The following TTYH3 variants were observed in gnomAD, a reference collection of about 807,000 sequenced individuals.
TTYH3 encodes the protein protein tweety homolog 3.
Under a neutral mutation model 68.2 loss-of-function variants are expected in TTYH3, and 23 were observed. That is an observed-to-expected ratio of 0.34 (90% CI 0.24 to 0.48). TTYH3 has a LOEUF of 0.48. TTYH3 is among the 20% of genes least tolerant of loss of function. The probability of loss-of-function intolerance (pLI) is 0.99; values close to 1 mark genes in which losing one functional copy is unlikely to be tolerated. For synonymous variants in TTYH3, 360 were observed against 332.8 expected (o/e 1.08, Z -0.89); for missense variants, 768 against 727.7 (o/e 1.06, Z -0.64).
intron 7 of TTYH3, among the ~76,000 whole-genome samples, chr7:2,651,575 C>T (rs900491320): frequency 2.6e-5 from 4 of 152,326 alleles, no homozygotes; most frequent in East Asian, 3.9e-4. Context: ...GCCCCCTACA[C>T]GTGTACATGT....
At chr7:2,647,754 G>A (rs1786040264) in intron 4 of TTYH3, 116 bp downstream of exon 4, 2 of 1,193,734 alleles carry the variant, frequency 1.7e-6, no homozygotes, top group South Asian at 1.4e-5. Flanking sequence ...TGTGGCCCAG[G>A]GCCACTGGAG....
At position 2,634,974 on chromosome 7, in the gene TTYH3, G is replaced by A. The variant is rs904724064; in HGVS notation, c.123+2696G>A. Among the ~76,000 whole-genome samples the A allele has an allele frequency of 6.6e-5, 10 of 152,218 alleles. No homozygotes were observed. In the South Asian group the frequency reaches 2.1e-3, roughly 32 times the overall value. ...GTGGGATTAGAAGCTGATGGGGGCT[G>A]AGGGAGCTGTGAGAGGGCAGGGGGT... On this transcript the variant is annotated intron_variant, in intron 1 of 13. Transcript: ENST00000258796.
At chr7:2,638,900 C>T (rs2114974424) in intron 1 of TTYH3, among the ~76,000 whole-genome samples, 1 of 152,158 alleles carries the variant, frequency 6.6e-6, no homozygotes, top group East Asian at 1.9e-4. Context: ...ACCCACTTCC[C>T]AGTGGCGGGC....
intron 1 of TTYH3, among the ~76,000 whole-genome samples, chr7:2,641,661 A>G (rs1259926463): frequency 6.6e-6 from 1 of 152,178 alleles, no homozygotes; most frequent in Admixed American, 6.5e-5. Flanking sequence ...TGGGCCAGGG[A>G]GGGGCGGAGG....
intron 1 of TTYH3, among the ~76,000 whole-genome samples, chr7:2,635,050 G>A (rs750566040): frequency 1.5e-4 from 23 of 152,272 alleles, no homozygotes; most frequent in Non-Finnish European, 2.8e-4. Flanking sequence ...AGTGACTGTC[G>A]AGAGGGGCTC....
Position 2,652,919 on chromosome 7 carries a change from A to G in TTYH3, c.929A>G (p.Lys310Arg). The G allele has an allele frequency of 6.4e-7, 1 of 1,562,206 alleles. No individual in the cohort carries two copies. Among genetic ancestry groups the G allele is most frequent in the African/African-American group, 1.3e-5 (1 of 74,394 alleles). ...GACTTGGTCTCCTCTCTGGAGCAGA[A>G]GCTGTCGGGCAGCCACAAGGCACTG... ...SPRAANPFQQ[K>R]LSGSHKALVE... The change falls in exon 9 of 14, where the codon AAG becomes AGG. Residue 310 changes from lysine (K) to arginine (R), a missense_variant and splice_region_variant. Lys to Arg is a conservative substitution (Grantham distance 26). Coordinates refer to ENST00000258796, the MANE Select transcript of TTYH3 (RefSeq NM_025250.3).
Position 2,647,003 on chromosome 7 carries a change from A to C in TTYH3, c.274A>C (p.Ile92Leu). ...DCCCTAWCVI[I>L]ATLVCSAGIA... The stretch of plus-strand genomic sequence containing the variant: ...CTGCTGCACGGCCTGGTGTGTCATC[A>C]TCGCCACGCTGGTGTGCAGGTGAGC... Residue 92 changes from isoleucine (I) to leucine (L), a missense_variant, in exon 2 of 14, where the codon ATC (isoleucine) becomes CTC (leucine). Ile to Leu is a conservative substitution (Grantham distance 5). Transcript: ENST00000258796. The C allele has an allele frequency of 6.3e-7, 1 of 1,577,798 alleles. No homozygotes were observed. The highest frequency in any genetic ancestry group is 1.3e-5 in the African/African-American group (1 of 74,196).
Position 2,658,343 on chromosome 7 carries a change from C to T in TTYH3, c.1308C>T (p.Asp436=). 1 of 1,607,744 alleles carries T rather than the reference C, an allele frequency of 6.2e-7. No homozygotes were observed. Among genetic ancestry groups the T allele is most frequent in the Non-Finnish European group, 8.5e-7 (1 of 1,177,698 alleles). ...CTCCAGGGCCGCGGCAGGCGCACGA[C>T]AGCCTCTACCGCGTCCACATGCCCA... The part of the protein sequence containing the change: ...EAAPGPRQAH[D]SLYRVHMPSL... The change falls in exon 12 of 14, where the codon GAC becomes GAT. Residue 436 remains aspartate (D), a synonymous_variant. Transcript: ENST00000258796.
intron 5 of TTYH3, 76 bp downstream of exon 5, chr7:2,648,130 C>A: frequency 7.2e-7 from 1 of 1,381,742 alleles, no homozygotes; most frequent in Non-Finnish European, 1.0e-6. Context: ...CCCCTTCCCC[C>A]ACCTCATCTG....
intron 1 of TTYH3, among the ~76,000 whole-genome samples, chr7:2,643,811 C>CAGCAGGGT (rs112707413): frequency 2.6e-5 from 4 of 151,960 alleles, no homozygotes; most frequent in African/African-American, 9.7e-5. Flanking sequence ...GCGGAGGTCA[C>CAGCAGGGT]ACCTGTTTAG....
intron 9 of TTYH3, among the ~76,000 whole-genome samples, chr7:2,655,101 T>C (rs974483196): frequency 6.6e-6 from 1 of 152,216 alleles, no homozygotes; most frequent in South Asian, 2.1e-4. Flanking sequence ...GGAGGCACCA[T>C]TGAGCCCGTA....
At chr7:2,632,655 G>C (rs1460439020) in intron 1 of TTYH3, among the ~76,000 whole-genome samples, 4 of 152,220 alleles carry the variant, frequency 2.6e-5, no homozygotes, top group African/African-American at 7.2e-5. Context: ...CACCATCACT[G>C]TTGGCGGCCT....
At chr7:2,649,752 A>C in intron 6 of TTYH3, 113 bp downstream of exon 6, 3 of 1,452,176 alleles carry the variant, frequency 2.1e-6, no homozygotes, top group Non-Finnish European at 9.4e-7. Flanking sequence ...GGGTCCCGAG[A>C]GCGGTGGGGA....
At chr7:2,639,731 C>T (rs533835418) in intron 1 of TTYH3, among the ~76,000 whole-genome samples, 158 of 152,332 alleles carry the variant, frequency 1.0e-3, no homozygotes, top group African/African-American at 3.4e-3. Context: ...TGTCACATGC[C>T]GGCACCTCTG....
In TTYH3 at chr7:2,649,636, C is replaced by T. The variant is rs151204294; in HGVS notation, c.792C>T (p.Ser264=). Residue 264 remains serine, a synonymous_variant, in exon 6 of 14, where the codon TCC becomes TCT. Transcript: ENST00000258796. ...CGCTGGGCTTGGAGCTGGCTGTGTCCGTGGTGAGTGGCAGAGGGGGTGAGG... is the reference window on the plus strand; with the variant it reads ...CGCTGGGCTTGGAGCTGGCTGTGTCTGTGGTGAGTGGCAGAGGGGGTGAGG... The part of the protein sequence containing the change: ...WGALGLELAV[S]VGSSDFCVDP... The T allele has an allele frequency of 1.9e-3, 3,026 of 1,598,416 alleles. 51 individuals carry two copies. The South Asian group carries it at 0.025, about 13-fold the overall frequency.
In TTYH3 at chr7:2,662,165, T is replaced by C; in HGVS notation, c.*426T>C. On this transcript the variant is annotated 3_prime_UTR_variant, in exon 14 of 14. Transcript: ENST00000258796. Reference sequence around the variant, plus strand: ...AGGCACGGCTGGGGCCGCTCTGTGCTGGCGCCTGCTGGCCACTGAGGGACA... The same window carrying C: ...AGGCACGGCTGGGGCCGCTCTGTGCCGGCGCCTGCTGGCCACTGAGGGACA... 1 of 321,146 alleles carries C rather than the reference T, an allele frequency of 3.1e-6. No individual in the cohort carries two copies. The highest frequency in any genetic ancestry group is 8.4e-5 in the East Asian group (1 of 11,882). The allele number at this position is 321,146 out of a possible 1,614,324, so 19.9% of individuals were successfully genotyped here. A position where few individuals can be genotyped will look rare whatever the true frequency, so the allele number is the denominator to read the frequency against.
At position 2,648,883 on chromosome 7, in the gene TTYH3, T is replaced by C. The variant is rs1489889501; in HGVS notation, c.723-684T>C. 5.2e-4 allele frequency among the ~76,000 whole-genome samples: 39 copies of C among 75,676 alleles called. 1 individual carries two copies. The East Asian group carries it at 0.013, about 26-fold the overall frequency. 49.6% of individuals were successfully genotyped at this position (75,676 alleles called of 152,430 possible). A position where few individuals can be genotyped will look rare whatever the true frequency, so the allele number is the denominator to read the frequency against. On this transcript the variant is annotated intron_variant, in intron 5 of 13. Coordinates refer to ENST00000258796, the MANE Select transcript of TTYH3 (RefSeq NM_025250.3). ...TGACAGTGTGCAGTGGGTTGTGGGG[T>C]CCTCAGTGGGGTGTGCAGGCCTGCA...
intron 1 of TTYH3, among the ~76,000 whole-genome samples, chr7:2,644,063 C>G (rs1464585508): frequency 1.3e-5 from 2 of 152,172 alleles, no homozygotes; most frequent in East Asian, 3.9e-4. Flanking sequence ...TCTGACCAGC[C>G]CGGGGCCAAG....
chr7:2,634,862 G>A (rs1409625273), intron 1 of TTYH3, among the ~76,000 whole-genome samples: 1 of 152,108 alleles, frequency 6.6e-6, no homozygotes, highest in Non-Finnish European at 1.5e-5. Flanking sequence ...TAGGTCCCTC[G>A]TCCGGCCCCC....
Sources: gnomAD v4.1 joint callset for allele counts (sites outside exome capture counted in the v4.1 genomes callset) on GRCh38, gnomAD v4.1.1 for gene constraint, MANE v1.5 for transcripts, NCBI Gene and HGNC (gene_info 2026-07-23, HGNC 2026-07-21) for gene names.